ZBTB40: variants seen among roughly 807,000 people sequenced by gnomAD.
The protein encoded by ZBTB40 is zinc finger and BTB domain containing 40.
Under a neutral mutation model 117.5 loss-of-function variants are expected in ZBTB40, and 60 were observed. That is an observed-to-expected ratio of 0.51 (90% CI 0.41 to 0.63). The LOEUF is 0.63. Ranked by LOEUF, ZBTB40 falls within the 30% of genes least tolerant of loss-of-function variation. The pLI is 0.00. For synonymous variants in ZBTB40, 525 were observed against 577.1 expected, an observed-to-expected ratio of 0.91 and a Z score of 1.29; for missense variants, 1,287 against 1,498.5, an observed-to-expected ratio of 0.86 and a Z score of 2.33.
At chr1:22,429,141 G>T (rs1457522164) in intron 1 of ZBTB40, among the ~76,000 whole-genome samples, 1 of 152,142 alleles carries the variant, frequency 6.6e-6, no homozygotes, top group African/African-American at 2.4e-5. Flanking sequence ...CCAGCACTTT[G>T]GGGGGCCGAG....
intron 1 of ZBTB40, among the ~76,000 whole-genome samples, chr1:22,431,362 T>TTGTGTGTG (rs1179435023): frequency 2.5e-4 from 28 of 112,828 alleles, no homozygotes; most frequent in African/African-American, 1.1e-3. Flanking sequence ...CATATATATT[T>TTGTGTGTG]TGTGTGTGTG....
intron 1 of ZBTB40, among the ~76,000 whole-genome samples, chr1:22,475,445 G>A (rs960306841): frequency 2.0e-5 from 3 of 152,210 alleles, no homozygotes; most frequent in Non-Finnish European, 4.4e-5. Context: ...CCTTTCCAAA[G>A]CCAGGTGCGG....
chr1:22,514,850 T>G (rs11800100), intron 12 of ZBTB40, among the ~76,000 whole-genome samples: 1 of 152,206 alleles, frequency 6.6e-6, no homozygotes, highest in Admixed American at 6.5e-5. Flanking sequence ...TTGGCAATAG[T>G]AGGCCTTCAA....
chr1:22,526,066 C>T, intron 17 of ZBTB40, 136 bp from the exon 18 acceptor site: 1 of 994,698 alleles, frequency 1.0e-6, no homozygotes, highest in Non-Finnish European at 1.6e-6. Flanking sequence ...CTTGCCTCTT[C>T]CCATTAGGCA....
chr1:22,490,716 T>C, intron 2 of ZBTB40, 71 bp downstream of exon 2: 1 of 1,558,490 alleles, frequency 6.4e-7, no homozygotes, highest in Non-Finnish European at 8.7e-7. Flanking sequence ...GTTTGATTAA[T>C]AAATTTATCA....
chr1:22,494,715 A>G (rs949192900), intron 3 of ZBTB40, among the ~76,000 whole-genome samples: 1 of 152,230 alleles, frequency 6.6e-6, no homozygotes, highest in Non-Finnish European at 1.5e-5. Flanking sequence ...GATTTAGCAG[A>G]TGTTTACTGA....
intron 14 of ZBTB40, among the ~76,000 whole-genome samples, chr1:22,520,546 T>TC (rs1315099744): frequency 6.6e-6 from 1 of 152,196 alleles, no homozygotes; most frequent in East Asian, 1.9e-4. Flanking sequence ...ATGCTGCTTT[T>TC]CCCCTTGGAT....
intron 3 of ZBTB40, among the ~76,000 whole-genome samples, chr1:22,493,013 C>G (rs572553405): frequency 2.0e-5 from 3 of 152,290 alleles, no homozygotes; most frequent in South Asian, 2.1e-4. Flanking sequence ...CAGCAATACT[C>G]AAGTTATTAG....
At chr1:22,510,380 C>T (rs1335887888) in intron 9 of ZBTB40, among the ~76,000 whole-genome samples, 4 of 152,152 alleles carry the variant, frequency 2.6e-5, no homozygotes, top group South Asian at 2.1e-4. Flanking sequence ...TCCAGCACGC[C>T]GTAACTTCAG....
rs1304289111 is a variant in ZBTB40 at position 22,517,297 on chromosome 1, C to T, written c.2669-3C>T. ...ACTCTAATAAGCTCCTGTGTATTTG[C>T]AGGGAAAATGTATGCATGCCAGTAC... On this transcript the variant is annotated splice_region_variant and splice_polypyrimidine_tract_variant and intron_variant, in intron 12 of 17. Coordinates refer to ENST00000375647, the MANE Select transcript of ZBTB40 (RefSeq NM_014870.4). The T allele has an allele frequency of 2.5e-6, 4 of 1,613,984 alleles. No homozygotes were observed. Among genetic ancestry groups the T allele is most frequent in the Non-Finnish European group, 3.4e-6 (4 of 1,180,034 alleles).
chr1:22,497,700 C>T (rs928421827), intron 3 of ZBTB40, among the ~76,000 whole-genome samples: 6 of 152,132 alleles, frequency 3.9e-5, no homozygotes, highest in African/African-American at 1.4e-4. Context: ...TCTAATAGAA[C>T]CCAGTGTAAA....
chr1:22,519,132 C>T (rs954605886), intron 13 of ZBTB40, among the ~76,000 whole-genome samples: 1 of 152,120 alleles, frequency 6.6e-6, no homozygotes, highest in African/African-American at 2.4e-5. Flanking sequence ...TTAGTGATAC[C>T]GAATGCTGCT....
chr1:22,520,174 T>G lies in ZBTB40; in HGVS notation c.2947T>G (p.Cys983Gly). ...HSKEYHPCPT[C>G]GKIFSAPSML... is the part of the protein sequence containing the mutation. ...CAAAGAGTACCACCCCTGCCCCACG[T>G]GTGGGAAGATCTTCAGTGCCCCGTC... Residue 983 changes from cysteine to glycine, a missense_variant, in exon 14 of 18, where the codon TGT becomes GGT. Physicochemically the swap from Cys to Gly is radical, Grantham distance 159. This residue lies in a region of ZBTB40 where 417 missense variants were observed against 564.1 expected (regional missense o/e 0.74). Coordinates refer to ENST00000375647, the MANE Select transcript of ZBTB40 (RefSeq NM_014870.4). The G allele has an allele frequency of 6.2e-7, 1 of 1,614,174 alleles. No individual in the cohort carries two copies. The highest frequency in any genetic ancestry group is 8.5e-7 in the Non-Finnish European group (1 of 1,180,008).
At chr1:22,441,156 C>G (rs780264541) in intron 1 of ZBTB40, among the ~76,000 whole-genome samples, 2 of 152,094 alleles carry the variant, frequency 1.3e-5, no homozygotes, top group Non-Finnish European at 1.5e-5. Flanking sequence ...AATCGCCTTA[C>G]TGATTATAGG....
At chr1:22,474,029 T>G (rs1180390300) in intron 1 of ZBTB40, among the ~76,000 whole-genome samples, 1 of 152,204 alleles carries the variant, frequency 6.6e-6, no homozygotes, top group Non-Finnish European at 1.5e-5. Flanking sequence ...CTACTTGATA[T>G]CTACAACAGA....
intron 1 of ZBTB40, among the ~76,000 whole-genome samples, chr1:22,434,354 A>C (rs2124361510): frequency 6.6e-6 from 1 of 152,318 alleles, no homozygotes; most frequent in Non-Finnish European, 1.5e-5. Flanking sequence ...AGGAAAATGA[A>C]TCCTTTGTCT....
At chr1:22,510,918 CT>C (rs1639214815) in intron 9 of ZBTB40, among the ~76,000 whole-genome samples, 5 of 152,088 alleles carry the variant, frequency 3.3e-5, no homozygotes, top group Admixed American at 3.3e-4. Flanking sequence ...ATAGAAAATG[CT>C]TTATGCTTCC....
intron 1 of ZBTB40, among the ~76,000 whole-genome samples, chr1:22,483,164 G>A (rs1638375023): frequency 6.6e-6 from 1 of 150,924 alleles, no homozygotes; most frequent in African/African-American, 2.4e-5. Context: ...GCACTTTTTA[G>A]TCCATTGTCT....
At chr1:22,431,390 ATATATATATATATATATATG>A (rs1557468808) in intron 1 of ZBTB40, among the ~76,000 whole-genome samples, 1 of 123,736 alleles carries the variant, frequency 8.1e-6, no homozygotes, top group African/African-American at 3.3e-5. Context: ...GTGTGTATAT[ATATATATATATATATATATG>A]TATATATAGT....
Sources: allele counts gnomAD v4.1 joint callset (sites outside exome capture counted in the v4.1 genomes callset), GRCh38; gene constraint gnomAD v4.1.1; regional missense constraint gnomAD v4.1.1; transcripts MANE v1.5; gene names NCBI Gene and HGNC (gene_info 2026-07-23, HGNC 2026-07-21).